TENM4: variants seen among roughly 807,000 people sequenced by gnomAD.
TENM4 encodes the protein teneurin transmembrane protein 4.
Under a neutral mutation model 243.3 loss-of-function variants are expected in TENM4, and 82 were observed. That is an observed-to-expected ratio of 0.34 (90% confidence interval 0.28 to 0.40). The LOEUF (loss-of-function observed/expected upper bound fraction) is 0.40. TENM4 is among the 10% of genes least tolerant of loss of function. TENM4 has a pLI of 1.00. For missense variants in TENM4, 3,138 were observed against 3,673.3 expected, an observed-to-expected ratio of 0.85 and a Z score of 3.77; for synonymous variants, 1,412 against 1,456.3, an observed-to-expected ratio of 0.97 and a Z score of 0.69.
At chr11:78,767,693 G>T (rs139544433) in intron 18 of TENM4, among the ~76,000 whole-genome samples, 32 of 152,268 alleles carry the variant, frequency 2.1e-4, no homozygotes, top group African/African-American at 7.7e-4. Context: ...TCTTCTCCAA[G>T]ACTTGAGTCA....
At chr11:78,997,253 A>T (rs1157922844) in intron 6 of TENM4, among the ~76,000 whole-genome samples, 2 of 152,204 alleles carry the variant, frequency 1.3e-5, no homozygotes, top group African/African-American at 4.8e-5. Flanking sequence ...TGTTCTCTCC[A>T]TGAGACTGTG....
chr11:79,245,371 G>A (rs1855493133), intron 2 of TENM4, among the ~76,000 whole-genome samples: 1 of 152,158 alleles, frequency 6.6e-6, no homozygotes, highest in South Asian at 2.1e-4. Context: ...TGTCAATAGG[G>A]CATTAGCCAG....
At chr11:78,990,549 T>C (rs1858017756) in intron 6 of TENM4, among the ~76,000 whole-genome samples, 1 of 152,142 alleles carries the variant, frequency 6.6e-6, no homozygotes, top group Non-Finnish European at 1.5e-5. Flanking sequence ...GAGGGAGTAA[T>C]CCACGAGATA....
intron 28 of TENM4, among the ~76,000 whole-genome samples, chr11:78,699,192 CA>C: frequency 6.6e-6 from 1 of 152,330 alleles, no homozygotes; most frequent in Middle Eastern, 3.4e-3. Context: ...TATAATCAAT[CA>C]GACACTGAGC....
chr11:79,361,444 G>A (rs890981823), intron 1 of TENM4, among the ~76,000 whole-genome samples: 3 of 152,054 alleles, frequency 2.0e-5, no homozygotes, highest in African/African-American at 7.2e-5. Flanking sequence ...CTCATCCATC[G>A]AGCAAGTTTT....
At chr11:78,854,626 A>G (rs1346839459) in intron 11 of TENM4, among the ~76,000 whole-genome samples, 1 of 152,052 alleles carries the variant, frequency 6.6e-6, no homozygotes, top group Non-Finnish European at 1.5e-5. Flanking sequence ...CAGGACAACC[A>G]TGCTTTTTTG....
intron 12 of TENM4, among the ~76,000 whole-genome samples, chr11:78,819,832 G>T (rs1304602069): frequency 1.3e-5 from 2 of 152,122 alleles, no homozygotes; most frequent in African/African-American, 4.8e-5. Context: ...TTATAAAAGT[G>T]GTTGTCAGGA....
chr11:79,320,622 T>A (rs1277730585), intron 1 of TENM4, among the ~76,000 whole-genome samples: 1 of 152,168 alleles, frequency 6.6e-6, no homozygotes, highest in Non-Finnish European at 1.5e-5. Context: ...TAAACTCATG[T>A]TTGCTTATAT....
intron 1 of TENM4, among the ~76,000 whole-genome samples, chr11:79,384,874 C>T (rs529105892): frequency 5.3e-4 from 79 of 148,218 alleles, no homozygotes; most frequent in Non-Finnish European, 9.8e-4. Context: ...TGCAGTGAGC[C>T]GAGATGGCAC....
intron 6 of TENM4, among the ~76,000 whole-genome samples, chr11:78,926,688 TTTC>T (rs748187686): frequency 3.6e-4 from 51 of 142,632 alleles, no homozygotes; most frequent in Middle Eastern, 3.7e-3. Context: ...TTTTTTTTTT[TTTC>T]TGCCACAGAG....
At chr11:79,131,431 G>A (rs1862001153) in intron 4 of TENM4, among the ~76,000 whole-genome samples, 1 of 152,106 alleles carries the variant, frequency 6.6e-6, no homozygotes, top group African/African-American at 2.4e-5. Flanking sequence ...GCAAAACTAA[G>A]CATCATATAT....
chr11:79,086,214 C>T (rs73506617), intron 4 of TENM4, among the ~76,000 whole-genome samples: 1 of 152,196 alleles, frequency 6.6e-6, no homozygotes, highest in African/African-American at 2.4e-5. Context: ...TTTGGGATTG[C>T]CTTCTCCCCC....
chr11:79,271,259 C>T (rs1282398437), intron 2 of TENM4, among the ~76,000 whole-genome samples: 1 of 152,140 alleles, frequency 6.6e-6, no homozygotes, highest in Non-Finnish European at 1.5e-5. Flanking sequence ...AGCTTCTTCC[C>T]CAAAGGGTTA....
At chr11:78,896,656 C>A (rs1180517102) in intron 7 of TENM4, among the ~76,000 whole-genome samples, 1 of 152,086 alleles carries the variant, frequency 6.6e-6, no homozygotes, top group Non-Finnish European at 1.5e-5. Flanking sequence ...CTGTGCCTAT[C>A]TCTCAGCTAA....
At position 78,771,206 on chromosome 11, in the gene TENM4, G is replaced by A. The variant is rs1241603915; in HGVS notation, c.2393-68C>T. 5.9e-6 allele frequency: 9 copies of A among 1,524,798 alleles called. No individual in the cohort carries two copies. The East Asian group carries it at 1.7e-4, about 29-fold the overall frequency. The allele number at this position is 1,524,798 out of a possible 1,614,324, so 94.5% of individuals were successfully genotyped here. A position where few individuals can be genotyped will look rare whatever the true frequency, so the allele number is the denominator to read the frequency against. ...CAACTGCCATCACACACACTAACACGCTACCTGCCAACTTGCAAAATGCCT... is the reference window on the plus strand; with the variant it reads ...CAACTGCCATCACACACACTAACACACTACCTGCCAACTTGCAAAATGCCT... On this transcript the variant is annotated intron_variant, in intron 17 of 33. Coordinates refer to ENST00000278550, the MANE Select transcript of TENM4 (RefSeq NM_001098816.3).
rs1205912793 is a variant in TENM4 at position 78,910,479 on chromosome 11, GA to G, written c.494-6957del. 5.9e-5 allele frequency among the ~76,000 whole-genome samples: 9 copies of G among 152,332 alleles called. No individual in the cohort carries two copies. In the East Asian group the frequency reaches 1.7e-3, roughly 29 times the overall value. On this transcript the variant is annotated intron_variant, in intron 6 of 33. Transcript: ENST00000278550. Reference sequence around the variant, plus strand: ...CTACACGACCAATTTATGAAGGCCGGAAAGCTCTTTATCAACACAGTCAGCA... The same window carrying G: ...CTACACGACCAATTTATGAAGGCCGGAAGCTCTTTATCAACACAGTCAGCA...
At chr11:79,186,051 A>G (rs930363974) in intron 3 of TENM4, among the ~76,000 whole-genome samples, 1 of 152,236 alleles carries the variant, frequency 6.6e-6, no homozygotes, top group Non-Finnish European at 1.5e-5. Flanking sequence ...TTGAGTTTCA[A>G]AGAAATGAAG....
intron 1 of TENM4, among the ~76,000 whole-genome samples, chr11:79,298,172 C>A (rs960553013): frequency 6.6e-6 from 1 of 152,016 alleles, no homozygotes; most frequent in Non-Finnish European, 1.5e-5. Flanking sequence ...CATACCTGAG[C>A]CCAGAAGAGT....
intron 4 of TENM4, among the ~76,000 whole-genome samples, chr11:79,086,226 G>A (rs182965389): frequency 9.2e-5 from 14 of 152,310 alleles, no homozygotes; most frequent in African/African-American, 3.4e-4. Context: ...TTCTCCCCCT[G>A]CTTTTGGAAA....
Sources: gnomAD v4.1 joint callset for allele counts (sites outside exome capture counted in the v4.1 genomes callset) on GRCh38, gnomAD v4.1.1 for gene constraint, MANE v1.5 for transcripts, NCBI Gene and HGNC (gene_info 2026-07-23, HGNC 2026-07-21) for gene names.